Variants in CAMTA1 observed in about 807,000 individuals in gnomAD.
CAMTA1 encodes calmodulin binding transcription activator 1, also known as calmodulin-binding transcription activator 1.
A neutral mutation model predicts 170.9 loss-of-function variants in CAMTA1; 27 were observed. The ratio of observed to expected loss-of-function variants is 0.16; its 90% CI spans 0.12 to 0.22. CAMTA1 has a LOEUF of 0.22. Among genes scored for constraint, CAMTA1 ranks in the 10% least tolerant of loss-of-function variants. The pLI is 1.00. For synonymous variants in CAMTA1, 833 were observed against 891.5 expected (o/e 0.93, Z 1.17); for missense variants, 1,619 against 2,217.2 (o/e 0.73, Z 5.42).
At chr1:7,508,209 G>C (rs2149857788) in intron 6 of CAMTA1, among the ~76,000 whole-genome samples, 1 of 152,332 alleles carries the variant, frequency 6.6e-6, no homozygotes, top group East Asian at 1.9e-4. Flanking sequence ...GCTTGAAGCA[G>C]GGCAGTGCCG....
intron 3 of CAMTA1, among the ~76,000 whole-genome samples, chr1:6,862,332 G>A (rs1055372729): frequency 1.3e-5 from 2 of 152,124 alleles, no homozygotes; most frequent in Non-Finnish European, 2.9e-5. Context: ...ATCAAGGTTC[G>A]TCCATGTTGG....
At chr1:7,725,679 T>C (rs547219151) in intron 11 of CAMTA1, among the ~76,000 whole-genome samples, 3 of 152,186 alleles carry the variant, frequency 2.0e-5, no homozygotes, top group South Asian at 4.1e-4. Flanking sequence ...GTTCTTGAAA[T>C]GTGGCCCTAG....
chr1:7,114,461 A>AAG (rs1184826782), intron 4 of CAMTA1, among the ~76,000 whole-genome samples: 3 of 151,982 alleles, frequency 2.0e-5, no homozygotes, highest in African/African-American at 7.3e-5. Context: ...AAACAAAAAA[A>AAG]AGAGAATCAC....
At chr1:7,241,634 C>A (rs1664872118) in intron 4 of CAMTA1, among the ~76,000 whole-genome samples, 1 of 152,132 alleles carries the variant, frequency 6.6e-6, no homozygotes, top group South Asian at 2.1e-4. Flanking sequence ...GAAATAAAAT[C>A]ATATGTTTAT....
chr1:7,355,014 T>C (rs977869958), intron 5 of CAMTA1, among the ~76,000 whole-genome samples: 1 of 152,180 alleles, frequency 6.6e-6, no homozygotes, highest in African/African-American at 2.4e-5. Flanking sequence ...GAGACCAGCC[T>C]GGCCAACATG....
chr1:7,493,339 GCA>G (rs1181358753), intron 6 of CAMTA1, among the ~76,000 whole-genome samples: 2 of 142,530 alleles, frequency 1.4e-5, no homozygotes, highest in East Asian at 2.1e-4. Context: ...ACACACACAT[GCA>G]CACACAAACA....
chr1:7,423,671 A>G (rs1405004043), intron 5 of CAMTA1, among the ~76,000 whole-genome samples: 1 of 152,030 alleles, frequency 6.6e-6, no homozygotes, highest in Non-Finnish European at 1.5e-5. Context: ...CTCTCTGATC[A>G]GTTTTTCTTA....
At chr1:6,998,348 GAT>G (rs918817346) in intron 3 of CAMTA1, among the ~76,000 whole-genome samples, 1 of 152,160 alleles carries the variant, frequency 6.6e-6, no homozygotes, top group African/African-American at 2.4e-5. Context: ...CTAGGAATAA[GAT>G]AGAATAAGTC....
intron 7 of CAMTA1, among the ~76,000 whole-genome samples, chr1:7,655,518 A>G (rs1225194553): frequency 3.8e-5 from 3 of 78,880 alleles, no homozygotes; most frequent in Non-Finnish European, 8.4e-5. Context: ...ACACCTATGT[A>G]CACACCCACA....
At chr1:7,259,475 G>C (rs975950204) in intron 5 of CAMTA1, among the ~76,000 whole-genome samples, 2 of 152,176 alleles carry the variant, frequency 1.3e-5, no homozygotes, top group Admixed American at 1.3e-4. Context: ...CCAAGTCTGC[G>C]TCTTAGTATG....
At position 7,743,981 on chromosome 1, in the gene CAMTA1, C is replaced by T. The variant is rs1422782627; in HGVS notation, c.4183-854C>T. Among the ~76,000 whole-genome samples, 4 of 151,034 alleles carry T rather than the reference C, an allele frequency of 2.6e-5. 1 individual carries two copies. On this transcript the variant is annotated intron_variant, in intron 16 of 22. Coordinates refer to ENST00000303635, the MANE Select transcript of CAMTA1 (RefSeq NM_015215.4). ...AGCTGGCACTACAGGCGCCCGCCACCACGCCCAGCTAATTTTTTGTATTTT... is the reference window on the plus strand; with the variant it reads ...AGCTGGCACTACAGGCGCCCGCCACTACGCCCAGCTAATTTTTTGTATTTT...
chr1:7,264,287 G>C (rs1457756634), intron 5 of CAMTA1, among the ~76,000 whole-genome samples: 2 of 152,208 alleles, frequency 1.3e-5, no homozygotes, highest in African/African-American at 4.8e-5. Context: ...ATCCTACTTT[G>C]TGTTGTGGAA....
At chr1:7,612,407 G>C (rs1576395399) in intron 6 of CAMTA1, among the ~76,000 whole-genome samples, 2 of 152,172 alleles carry the variant, frequency 1.3e-5, no homozygotes, top group South Asian at 4.1e-4. Context: ...CCGTGCCACT[G>C]TGCCACTCTT....
chr1:7,727,079 A>G (rs2096693226), intron 11 of CAMTA1, among the ~76,000 whole-genome samples: 1 of 151,560 alleles, frequency 6.6e-6, no homozygotes, highest in Admixed American at 6.6e-5. Flanking sequence ...AGCTCCCTAA[A>G]TCTACGCATT....
At chr1:7,540,220 C>T (rs916297517) in intron 6 of CAMTA1, among the ~76,000 whole-genome samples, 2 of 151,840 alleles carry the variant, frequency 1.3e-5, no homozygotes, top group Non-Finnish European at 2.9e-5. Flanking sequence ...TAATTAAATG[C>T]ATGAATGAAT....
chr1:7,067,940 C>T lies in CAMTA1; in HGVS notation c.235-23364C>T, dbSNP rs1709170574. Among the ~76,000 whole-genome samples, 2 of 152,180 alleles carry T rather than the reference C, an allele frequency of 1.3e-5. No homozygotes were observed. Among genetic ancestry groups the T allele is most frequent in the African/African-American group, 2.4e-5 (1 of 41,436 alleles). ...GCTCTTAAAAAAGGGTGTATGATTT[C>T]TGTCTTCTGGACTTTGGAAAATGTG... On this transcript the variant is annotated intron_variant, in intron 3 of 22. Coordinates refer to ENST00000303635, the MANE Select transcript of CAMTA1 (RefSeq NM_015215.4). This position sits in a 1 kb window ranked among gnomAD's most constrained non-coding sequence, Gnocchi z 4.3.
At chr1:7,043,896 A>C (rs980154300) in intron 3 of CAMTA1, among the ~76,000 whole-genome samples, 1 of 152,206 alleles carries the variant, frequency 6.6e-6, no homozygotes, top group Non-Finnish European at 1.5e-5. Flanking sequence ...CAGAGAAATT[A>C]GAGATGCATG....
At chr1:6,826,113 A>G (rs182483204) in intron 3 of CAMTA1, among the ~76,000 whole-genome samples, 60 of 152,292 alleles carry the variant, frequency 3.9e-4, no homozygotes, top group Admixed American at 1.4e-3. Context: ...AGTGCTGCCT[A>G]TTGAGCCTTA....
intron 4 of CAMTA1, among the ~76,000 whole-genome samples, chr1:7,107,471 A>G (rs889842298): frequency 2.6e-4 from 39 of 152,092 alleles, no homozygotes; most frequent in African/African-American, 9.2e-4. Context: ...GTCGGGAGAG[A>G]CAATGCTTGG....
Sources: allele counts gnomAD v4.1 joint callset (sites outside exome capture counted in the v4.1 genomes callset), GRCh38; gene constraint gnomAD v4.1.1; non-coding constraint Gnocchi (gnomAD v3.1); transcripts MANE v1.5; gene names NCBI Gene and HGNC (gene_info 2026-07-23, HGNC 2026-07-21).